KIF5B: variants seen among roughly 807,000 people sequenced by gnomAD.
KIF5B encodes the protein kinesin-1 heavy chain.
Under a neutral mutation model 132.8 loss-of-function variants are expected in KIF5B, and 49 were observed. That is an observed-to-expected ratio of 0.37 (90% CI 0.29 to 0.47). The LOEUF is 0.47. Ranked by LOEUF, KIF5B falls within the 20% of genes least tolerant of loss-of-function variation. The probability of loss-of-function intolerance (pLI) is 1.00; values close to 1 mark genes in which losing one functional copy is unlikely to be tolerated. For synonymous variants in KIF5B, 355 were observed against 369.4 expected (o/e 0.96, Z 0.45); for missense variants, 780 against 1,144.0 (o/e 0.68, Z 4.59).
rs1841217349 is a variant in KIF5B at position 32,018,812 on chromosome 10, C to T, written c.2307-250G>A. On this transcript the variant is annotated intron_variant, in intron 20 of 25. Coordinates refer to ENST00000302418, the MANE Select transcript of KIF5B (RefSeq NM_004521.3). Reference sequence around the variant, plus strand: ...CCTCCTGGGCTCAAGTGATCCTCCTCACCTCGTCTCCCAAATAGCTGGGAC... The same window carrying T: ...CCTCCTGGGCTCAAGTGATCCTCCTTACCTCGTCTCCCAAATAGCTGGGAC... Among the ~76,000 whole-genome samples, 3 of 151,926 alleles carry T rather than the reference C, an allele frequency of 2.0e-5. No individual in the cohort carries two copies. The South Asian group carries it at 6.2e-4, about 32-fold the overall frequency.
chr10:32,031,025 G>C (rs373670884), intron 14 of KIF5B, 48 bp downstream of exon 14: 2 of 1,325,748 alleles, frequency 1.5e-6, no homozygotes, highest in Non-Finnish European at 2.1e-6. Flanking sequence ...TTTAGGTTAA[G>C]AATACTTGTA....
intron 15 of KIF5B, among the ~76,000 whole-genome samples, chr10:32,027,518 A>G (rs1156925053): frequency 2.6e-5 from 4 of 152,176 alleles, no homozygotes; most frequent in African/African-American, 9.7e-5. Flanking sequence ...CTAAAATAAA[A>G]AAGAATTAAG....
intron 2 of KIF5B, among the ~76,000 whole-genome samples, chr10:32,042,654 C>T (rs1841558521): frequency 6.6e-6 from 1 of 152,202 alleles, no homozygotes; most frequent in Admixed American, 6.5e-5. Context: ...CAGCATCTTT[C>T]TAAAGCCTCC....
intron 5 of KIF5B, 23 bp downstream of exon 5, chr10:32,038,755 T>C: frequency 8.0e-7 from 1 of 1,257,016 alleles, no homozygotes; most frequent in Middle Eastern, 1.9e-4. Flanking sequence ...TATTTAAAAC[T>C]GATTAGCAAG....
intron 5 of KIF5B, 87 bp downstream of exon 5, chr10:32,038,691 T>C (rs1841492764): frequency 2.4e-6 from 2 of 826,012 alleles, no homozygotes; most frequent in South Asian, 1.7e-5. Flanking sequence ...CAATTTCATA[T>C]AGGTTACAAA....
At chr10:32,036,819 G>C (rs1170373301) in intron 8 of KIF5B, among the ~76,000 whole-genome samples, 1 of 152,122 alleles carries the variant, frequency 6.6e-6, no homozygotes, top group Admixed American at 6.5e-5. Flanking sequence ...GAATCAGACT[G>C]TATAGAATTG....
At position 32,017,205 on chromosome 10, in the gene KIF5B, T is replaced by C; in HGVS notation, c.2699A>G (p.Asp900Gly). The change falls in exon 24 of 26, where the codon GAT (aspartate) becomes GGT (glycine). Residue 900 changes from aspartate to glycine, a missense_variant. This residue lies in a region of KIF5B where 90 missense variants were observed against 101.8 expected (regional missense o/e 0.88). Transcript: ENST00000302418. ...RDRKRYQQEV[D>G]RIKEAVRSKN... ...TGACCTGACTGCTTCCTTTATGCGA[T>C]CTACTTCTTGCTGATAGCGTTTGCG... 3 of 1,614,230 alleles carry C rather than the reference T, an allele frequency of 1.9e-6. No individual in the cohort carries two copies. The highest frequency in any genetic ancestry group is 1.7e-6 in the Non-Finnish European group (2 of 1,180,046).
chr10:32,021,389 A>G, intron 17 of KIF5B, 102 bp from the exon 18 acceptor site: 1 of 802,264 alleles, frequency 1.2e-6, no homozygotes, highest in Non-Finnish European at 2.0e-6. Context: ...TTCCTTAGCA[A>G]TATTCAACTT....
At chr10:32,038,254 TA>T in intron 5 of KIF5B, 36 bp from the exon 6 acceptor site, 1 of 1,412,222 alleles carries the variant, frequency 7.1e-7, no homozygotes, top group Non-Finnish European at 1.0e-6. Context: ...AACATTCTCC[TA>T]AAACTCTTAA....
intron 8 of KIF5B, among the ~76,000 whole-genome samples, 154 bp downstream of exon 8, chr10:32,037,100 T>A (rs967869874): frequency 2.0e-5 from 3 of 152,220 alleles, no homozygotes; most frequent in African/African-American, 7.2e-5. Flanking sequence ...TCAGCTGATA[T>A]CATCATAAGG....
intron 16 of KIF5B, 79 bp from the exon 17 acceptor site, chr10:32,022,336 T>A (rs1276937813): frequency 2.9e-6 from 2 of 698,900 alleles, no homozygotes; most frequent in Non-Finnish European, 5.0e-6. Context: ...AACATTTCAT[T>A]ATCTATATAT....
rs1481281747 is a variant in KIF5B at position 32,055,830 on chromosome 10, C to A, written c.126+18G>T. Reference sequence around the variant, plus strand: ...GCCCGAAGAAGCGGGAGGAGGGATGCCGGCGGGGGTCACTCACCGCGATCA... The same window carrying A: ...GCCCGAAGAAGCGGGAGGAGGGATGACGGCGGGGGTCACTCACCGCGATCA... On this transcript the variant is annotated intron_variant, in intron 1 of 25. Transcript: ENST00000302418. 1.9e-6 allele frequency: 3 copies of A among 1,609,324 alleles called. No individual in the cohort carries two copies. The highest frequency in any genetic ancestry group is 2.5e-6 in the Non-Finnish European group (3 of 1,178,524).
intron 6 of KIF5B, 122 bp downstream of exon 6, chr10:32,038,041 C>G: frequency 1.8e-6 from 1 of 547,638 alleles, no homozygotes. Context: ...ACCCTGGAGG[C>G]AGAGGTTGCA....
At chr10:32,020,969 A>G in intron 19 of KIF5B, 53 bp downstream of exon 19, 2 of 958,730 alleles carry the variant, frequency 2.1e-6, no homozygotes, top group Non-Finnish European at 3.3e-6. Context: ...AATATATACC[A>G]TGACCATCAG....
intron 25 of KIF5B, among the ~76,000 whole-genome samples, chr10:32,013,313 T>C (rs951797006): frequency 2.6e-5 from 4 of 152,256 alleles, no homozygotes; most frequent in Admixed American, 2.6e-4. Context: ...CTATTGTATG[T>C]CTACTGATAT....
intron 15 of KIF5B, among the ~76,000 whole-genome samples, chr10:32,024,060 AAAAC>A (rs1564464542): frequency 1.1e-5 from 1 of 88,674 alleles, no homozygotes; most frequent in Non-Finnish European, 2.8e-5. Flanking sequence ...GTAAAAAAAA[AAAAC>A]AAAAAAAAAA....
At chr10:32,026,633 G>T (rs79263723) in intron 15 of KIF5B, among the ~76,000 whole-genome samples, 2 of 150,848 alleles carry the variant, frequency 1.3e-5, no homozygotes, top group African/African-American at 2.4e-5. Context: ...ATGGAACCTG[G>T]ATTTCATCCC....
At chr10:32,014,405 G>A (rs1253352621) in intron 25 of KIF5B, among the ~76,000 whole-genome samples, 2 of 151,946 alleles carry the variant, frequency 1.3e-5, no homozygotes, top group Admixed American at 1.3e-4. Flanking sequence ...GTGGGGCAGG[G>A]GGGTGTGGGG....
chr10:32,047,917 C>A (rs1841635194), intron 2 of KIF5B, among the ~76,000 whole-genome samples: 1 of 152,214 alleles, frequency 6.6e-6, no homozygotes, highest in Non-Finnish European at 1.5e-5. Flanking sequence ...AGCACTCTCT[C>A]AGCTTTAAAA....
Sources: gnomAD v4.1 joint callset for allele counts (sites outside exome capture counted in the v4.1 genomes callset) on GRCh38, gnomAD v4.1.1 for gene constraint, gnomAD v4.1.1 regional missense constraint, MANE v1.5 for transcripts, NCBI Gene and HGNC (gene_info 2026-07-23, HGNC 2026-07-21) for gene names.